The following CFAP43 variants were observed in gnomAD, a reference collection of about 807,000 sequenced individuals.
CFAP43 encodes cilia and flagella associated protein 43, also known as cilia- and flagella-associated protein 43.
In CFAP43, 155 loss-of-function variants were observed where a neutral mutation model predicts 218.9. The observed-to-expected ratio is 0.71, with a 90% CI of 0.62 to 0.81. CFAP43 has a LOEUF of 0.81. CFAP43 is among the 30% of genes least tolerant of loss of function. The pLI, the probability that CFAP43 is intolerant of heterozygous loss-of-function variation, is 0.00. For missense variants in CFAP43, 1,778 were observed against 1,954.3 expected (o/e 0.91, Z 1.70); for synonymous variants, 645 against 681.3 (o/e 0.95, Z 0.83).
intron 17 of CFAP43, among the ~76,000 whole-genome samples, chr10:104,181,987 G>A (rs887698169): frequency 6.6e-6 from 1 of 152,112 alleles, no homozygotes; most frequent in African/African-American, 2.4e-5. Context: ...CACTCTGTAG[G>A]CACTCTATAA....
intron 12 of CFAP43, among the ~76,000 whole-genome samples, chr10:104,191,045 G>A (rs2134908938): frequency 6.6e-6 from 1 of 152,318 alleles, no homozygotes; most frequent in South Asian, 2.1e-4. Flanking sequence ...AGTGTTGGCT[G>A]TTGCTATGAT....
At chr10:104,132,251 CT>C in intron 35 of CFAP43, 55 bp from the exon 36 acceptor site, 3 of 1,243,124 alleles carry the variant, frequency 2.4e-6, no homozygotes, top group Non-Finnish European at 3.4e-6. Flanking sequence ...CAATAGATGA[CT>C]TTATAAAGGT....
chr10:104,145,208 T>C (rs1015712228), intron 31 of CFAP43, among the ~76,000 whole-genome samples: 2 of 152,234 alleles, frequency 1.3e-5, no homozygotes, highest in Non-Finnish European at 2.9e-5. Context: ...TTCCTTAATG[T>C]ACAAAGCAGA....
intron 8 of CFAP43, among the ~76,000 whole-genome samples, chr10:104,200,347 C>T (rs1436661667): frequency 6.6e-6 from 1 of 152,110 alleles, no homozygotes; most frequent in East Asian, 1.9e-4. Context: ...GAACAAACAG[C>T]CCAACCCTCA....
At position 104,152,686 on chromosome 10, in the gene CFAP43, TG is replaced by T; in HGVS notation, c.3580del (p.Gln1194LysfsTer11). The T allele has an allele frequency of 6.2e-7, 1 of 1,613,222 alleles. No homozygotes were observed. Among genetic ancestry groups the T allele is most frequent in the Non-Finnish European group, 8.5e-7 (1 of 1,179,768 alleles). ...AELKKLQNSI[Q>X]ESTQAFDEHL... ...TTCATCAAAGGCCTGTGTGCTTTCT[TG>T]AATAGAGTTTTGAAGTTTCTTCAGT... is the stretch of plus-strand genomic sequence containing the variant. On this transcript the variant is annotated frameshift_variant, in exon 28 of 38. Coordinates refer to ENST00000357060, the MANE Select transcript of CFAP43 (RefSeq NM_025145.7). LOFTEE classifies it high-confidence loss of function.
intron 3 of CFAP43, among the ~76,000 whole-genome samples, chr10:104,216,972 T>G (rs1247720569): frequency 6.6e-6 from 1 of 152,236 alleles, no homozygotes; most frequent in African/African-American, 2.4e-5. Flanking sequence ...TCCATTGATA[T>G]TCCTCAAGGT....
Position 104,182,376 on chromosome 10 carries a change from G to C in CFAP43, c.2279C>G (p.Ser760Cys), listed in dbSNP as rs1301715125. 7.5e-6 allele frequency: 12 copies of C among 1,605,800 alleles called. No individual in the cohort carries two copies. Among genetic ancestry groups the C allele is most frequent in the Non-Finnish European group, 8.5e-6 (10 of 1,177,488 alleles). The change falls in exon 17 of 38, where the codon TCT (serine) becomes TGT (cysteine). Residue 760 changes from serine (S) to cysteine (C), a missense_variant. Ser to Cys is a moderately radical substitution (Grantham distance 112). Around this residue, in one of 3 missense-constraint regions of CFAP43, gnomAD observed 1,553 missense variants for 1,685.2 expected, o/e 0.92. Coordinates refer to ENST00000357060, the MANE Select transcript of CFAP43 (RefSeq NM_025145.7). Reference protein sequence around the residue: ...PKVSVDLGSDSEHTKQKASTD... With the variant: ...PKVSVDLGSDCEHTKQKASTD... Reference sequence around the variant, plus strand: ...ATATAGGAACTCAACTGTGTGTTCAGAATCGGATCCCAAATCTACGGAAAC... The same window carrying C: ...ATATAGGAACTCAACTGTGTGTTCACAATCGGATCCCAAATCTACGGAAAC...
At chr10:104,199,776 A>C (rs974043543) in intron 8 of CFAP43, among the ~76,000 whole-genome samples, 1 of 143,122 alleles carries the variant, frequency 7.0e-6, no homozygotes, top group African/African-American at 2.6e-5. Context: ...GCAATGACTG[A>C]GTGGTTAAGT....
At position 104,197,583 on chromosome 10, in the gene CFAP43, A is replaced by G. The variant is rs1006384276; in HGVS notation, c.1212+339T>C. On this transcript the variant is annotated intron_variant, in intron 9 of 37. Transcript: ENST00000357060. ...GTTTACTTAGTGCTGATGACTCATT[A>G]GCAATGAATGTGTTTTAAAAACGTG... Among the ~76,000 whole-genome samples, 101 of 152,278 alleles carry G rather than the reference A, an allele frequency of 6.6e-4. 4 individuals are homozygous for G. The highest frequency in any genetic ancestry group is 7.3e-5 in the Non-Finnish European group (5 of 68,048).
chr10:104,173,738 TAC>T (rs879373975), intron 19 of CFAP43, among the ~76,000 whole-genome samples: 64 of 152,292 alleles, frequency 4.2e-4, no homozygotes, highest in Non-Finnish European at 8.2e-4. Flanking sequence ...GCAGACAGAA[TAC>T]CTGCTAAAGT....
chr10:104,185,373 G>A (rs2134888704), intron 15 of CFAP43, among the ~76,000 whole-genome samples: 1 of 152,222 alleles, frequency 6.6e-6, no homozygotes, highest in Non-Finnish European at 1.5e-5. Context: ...TGTGTAGTAT[G>A]GAAGGACAGG....
intron 27 of CFAP43, among the ~76,000 whole-genome samples, chr10:104,155,855 C>A (rs1254978016): frequency 6.7e-6 from 1 of 150,070 alleles, no homozygotes; most frequent in African/African-American, 2.5e-5. Flanking sequence ...ATCAGTGGAA[C>A]TGGAACAGTT....
intron 20 of CFAP43, among the ~76,000 whole-genome samples, chr10:104,172,202 G>A (rs2089440367): frequency 6.6e-6 from 1 of 152,166 alleles, no homozygotes; most frequent in South Asian, 2.1e-4. Flanking sequence ...TCAGATGTCT[G>A]GCTGGCCTAG....
At chr10:104,154,270 C>T (rs1353813440) in intron 27 of CFAP43, among the ~76,000 whole-genome samples, 3 of 151,974 alleles carry the variant, frequency 2.0e-5, no homozygotes, top group Non-Finnish European at 2.9e-5. Context: ...TTTAAATATA[C>T]ACCAGTTTAA....
chr10:104,142,025 G>A (rs974742520), intron 33 of CFAP43, among the ~76,000 whole-genome samples: 1 of 152,292 alleles, frequency 6.6e-6, no homozygotes, highest in African/African-American at 2.4e-5. Flanking sequence ...TGTGGAAGGG[G>A]CCGACTTAAA....
intron 4 of CFAP43, among the ~76,000 whole-genome samples, chr10:104,213,537 T>G (rs570613637): frequency 2.5e-4 from 38 of 152,102 alleles, no homozygotes; most frequent in Admixed American, 2.1e-3. Flanking sequence ...GAATGTATAA[T>G]CTGCATATTT....
chr10:104,219,761 C>T (rs1465949057), intron 3 of CFAP43, among the ~76,000 whole-genome samples: 1 of 152,202 alleles, frequency 6.6e-6, no homozygotes, highest in African/African-American at 2.4e-5. Flanking sequence ...CCAAGCTTGC[C>T]TCTCTCATGG....
Position 104,211,988 on chromosome 10 carries a change from A to G in CFAP43, c.735+19T>C, listed in dbSNP as rs1403783425. 6.2e-7 allele frequency: 1 copy of G among 1,608,210 alleles called. No homozygotes were observed. The highest frequency in any genetic ancestry group is 8.5e-7 in the Non-Finnish European group (1 of 1,176,202). On this transcript the variant is annotated intron_variant, in intron 5 of 37. Transcript: ENST00000357060. ...ACCTCAACCCATTAGGCAAACAGGA[A>G]GAGGTGCCAGGTAATTACCCGGAAA...
chr10:104,201,154 T>G (rs2090524108), intron 8 of CFAP43, among the ~76,000 whole-genome samples: 1 of 152,216 alleles, frequency 6.6e-6, no homozygotes, highest in African/African-American at 2.4e-5. Context: ...ATTAGGTACA[T>G]ACATATTTTA....
Sources: allele counts gnomAD v4.1 joint callset (sites outside exome capture counted in the v4.1 genomes callset), GRCh38; gene constraint gnomAD v4.1.1; regional missense constraint gnomAD v4.1.1; transcripts MANE v1.5; gene names NCBI Gene and HGNC (gene_info 2026-07-23, HGNC 2026-07-21).